GRM1: variants seen among roughly 807,000 people sequenced by gnomAD.
GRM1 encodes metabotropic glutamate receptor 1.
A neutral mutation model predicts 90.9 loss-of-function variants in GRM1; 33 were observed. The ratio of observed to expected loss-of-function variants is 0.36; its 90% CI spans 0.28 to 0.49. The LOEUF (loss-of-function observed/expected upper bound fraction) is 0.49, where lower values mean the gene tolerates loss of function less well. GRM1 is among the 20% of genes least tolerant of loss of function. GRM1 has a pLI of 0.99. For missense variants in GRM1, 1,190 were observed against 1,534.3 expected, an observed-to-expected ratio of 0.78 and a Z score of 3.75; for synonymous variants, 700 against 613.2, an observed-to-expected ratio of 1.14 and a Z score of -2.09.
At chr6:146,271,231 C>T (rs942690778) in intron 2 of GRM1, among the ~76,000 whole-genome samples, 1 of 151,996 alleles carries the variant, frequency 6.6e-6, no homozygotes, top group African/African-American at 2.4e-5. Context: ...GTCTTGATCT[C>T]CTGACCTCAT....
intron 2 of GRM1, among the ~76,000 whole-genome samples, chr6:146,189,250 A>C (rs117507064): frequency 6.6e-5 from 10 of 152,186 alleles, no homozygotes; most frequent in Non-Finnish European, 1.5e-4. Context: ...TTCCTATGCA[A>C]TGGACTATTT....
chr6:146,349,412 G>A (rs1199549210), intron 3 of GRM1, among the ~76,000 whole-genome samples: 3 of 151,770 alleles, frequency 2.0e-5, no homozygotes, highest in Non-Finnish European at 4.4e-5. Flanking sequence ...TGAAGCTATT[G>A]CCTTTACTTT....
Position 146,399,757 on chromosome 6 carries a change from C to T in GRM1, c.2660+58C>T, listed in dbSNP as rs867503324. On this transcript the variant is annotated intron_variant, in intron 7 of 7. Transcript: ENST00000282753. This position sits in a 1 kb window ranked among gnomAD's most constrained non-coding sequence, Gnocchi z 5.4. ...TCTTCCTTTCTCTGTCTCTTTCTCT[C>T]TCTCTCTCTCTCTCTCTTTCTCTGT... 6.6e-4 allele frequency: 708 copies of T among 1,064,750 alleles called. 4 individuals are homozygous for T. The African/African-American group carries it at 0.01, about 15-fold the overall frequency. The allele number at this position is 1,064,750 out of a possible 1,614,324, so 66.0% of individuals were successfully genotyped here. A position where few individuals can be genotyped will look rare whatever the true frequency, so the allele number is the denominator to read the frequency against.
intron 1 of GRM1, among the ~76,000 whole-genome samples, chr6:146,123,796 C>A (rs1458999605): frequency 6.6e-6 from 1 of 152,136 alleles, no homozygotes; most frequent in African/African-American, 2.4e-5. Context: ...AGAAATTCTC[C>A]CACTGTTCTG....
intron 1 of GRM1, among the ~76,000 whole-genome samples, chr6:146,140,629 T>C (rs1776840425): frequency 6.6e-6 from 1 of 152,172 alleles, no homozygotes; most frequent in African/African-American, 2.4e-5. Context: ...TTATAACCCA[T>C]TATTTTAAAC....
intron 2 of GRM1, among the ~76,000 whole-genome samples, chr6:146,240,704 A>G (rs1780824122): frequency 6.6e-6 from 1 of 152,122 alleles, no homozygotes; most frequent in African/African-American, 2.4e-5. Flanking sequence ...AAAATAGAAG[A>G]TATCTAGGCA....
chr6:146,342,546 C>T (rs922826857), intron 3 of GRM1, among the ~76,000 whole-genome samples: 18 of 152,180 alleles, frequency 1.2e-4, no homozygotes, highest in African/African-American at 4.1e-4. Context: ...GTGACCTCCA[C>T]ATCCACATCC....
intron 2 of GRM1, among the ~76,000 whole-genome samples, chr6:146,187,251 CTA>C (rs1264514959): frequency 1.3e-5 from 2 of 152,016 alleles, no homozygotes; most frequent in Non-Finnish European, 2.9e-5. Flanking sequence ...TATTAATCAA[CTA>C]TTATAAAATA....
intron 1 of GRM1, among the ~76,000 whole-genome samples, chr6:146,037,301 A>G (rs1452963303): frequency 6.6e-6 from 1 of 152,008 alleles, no homozygotes; most frequent in African/African-American, 2.4e-5. Flanking sequence ...AATGAAATTC[A>G]TGATTAAGAT....
chr6:146,264,146 A>G (rs1340505651), intron 2 of GRM1, among the ~76,000 whole-genome samples: 1 of 152,146 alleles, frequency 6.6e-6, no homozygotes, highest in Non-Finnish European at 1.5e-5. Context: ...CATTTGCTGT[A>G]TTTCTGAAAT....
At chr6:146,361,626 A>G (rs2268663) in intron 5 of GRM1, among the ~76,000 whole-genome samples, 29,749 of 152,164 alleles carry the variant, frequency 0.2, 3,829 homozygotes, top group African/African-American at 0.37. Flanking sequence ...CATCATTTCA[A>G]TTACTCCTTA....
At chr6:146,392,728 C>T (rs1283315445) in intron 6 of GRM1, among the ~76,000 whole-genome samples, 10 of 152,188 alleles carry the variant, frequency 6.6e-5, no homozygotes, top group East Asian at 1.9e-4. Flanking sequence ...ATGTTCCCCT[C>T]GCTATGCCCA....
At chr6:146,064,360 A>G (rs1320191108) in intron 1 of GRM1, among the ~76,000 whole-genome samples, 1 of 152,246 alleles carries the variant, frequency 6.6e-6, no homozygotes, top group Non-Finnish European at 1.5e-5. Context: ...GTCTACTTTT[A>G]TAGTTACTTT....
At chr6:146,391,265 C>G (rs1776710501) in intron 6 of GRM1, among the ~76,000 whole-genome samples, 1 of 152,082 alleles carries the variant, frequency 6.6e-6, no homozygotes, top group Middle Eastern at 3.4e-3. Context: ...GAAGTAGCTA[C>G]CAGTCCTCAG....
rs181020994 is a variant in GRM1 at position 146,344,491 on chromosome 6, A to G, written c.1187-7759A>G. ...TCTGGACCCTGCATTTGTTTTATCAACAGATGTTACTAAGACCTCCTTGCC... is the reference window on the plus strand; with the variant it reads ...TCTGGACCCTGCATTTGTTTTATCAGCAGATGTTACTAAGACCTCCTTGCC... On this transcript the variant is annotated intron_variant, in intron 3 of 7. Coordinates refer to ENST00000282753, the MANE Select transcript of GRM1 (RefSeq NM_001278064.2). 1.8e-3 allele frequency among the ~76,000 whole-genome samples: 269 copies of G among 152,342 alleles called. 1 individual carries two copies. The highest frequency in any genetic ancestry group is 6.1e-3 in the African/African-American group (252 of 41,574).
chr6:146,223,598 C>A (rs552574229), intron 2 of GRM1, among the ~76,000 whole-genome samples: 1 of 151,992 alleles, frequency 6.6e-6, no homozygotes, highest in African/African-American at 2.4e-5. Context: ...TTGAAAAATG[C>A]CAATTTTTTT....
intron 2 of GRM1, among the ~76,000 whole-genome samples, chr6:146,274,539 A>G (rs1182949386): frequency 6.6e-6 from 1 of 152,208 alleles, no homozygotes; most frequent in African/African-American, 2.4e-5. Context: ...TTCTCACAGT[A>G]TTTAAAATAT....
In GRM1 at chr6:146,219,898, CTTG is replaced by C. The variant is rs570617711; in HGVS notation, c.950+60307_950+60309del. Among the ~76,000 whole-genome samples the C allele has an allele frequency of 2.0e-4, 30 of 149,618 alleles. No individual in the cohort carries two copies. In the East Asian group the frequency reaches 3.5e-3, roughly 18 times the overall value. On this transcript the variant is annotated intron_variant, in intron 2 of 7. Transcript: ENST00000282753. ...TACAAATACCTCCAATAAAATGAAT[CTTG>C]TTGTTTTGTGTGTGTGTGTGTGTGT...
chr6:146,408,179 T>C (rs925786580), intron 7 of GRM1, among the ~76,000 whole-genome samples: 1 of 152,132 alleles, frequency 6.6e-6, no homozygotes, highest in Non-Finnish European at 1.5e-5. Flanking sequence ...AGCTCTCTCC[T>C]GTATCTTCAT....
Sources: gnomAD v4.1 joint callset for allele counts (sites outside exome capture counted in the v4.1 genomes callset) on GRCh38, gnomAD v4.1.1 for gene constraint, Gnocchi (gnomAD v3.1) non-coding constraint, MANE v1.5 for transcripts, NCBI Gene and HGNC (gene_info 2026-07-23, HGNC 2026-07-21) for gene names.